Variants in ALOX12 observed in about 807,000 individuals in gnomAD.
ALOX12 encodes the protein polyunsaturated fatty acid lipoxygenase ALOX12.
ALOX12 carries 62 observed loss-of-function variants against 85.5 expected under a neutral mutation model. The observed-to-expected ratio is 0.73, with a 90% CI of 0.59 to 0.90. The LOEUF is 0.90. Among genes scored for constraint, ALOX12 ranks in the 40% least tolerant of loss-of-function variants. ALOX12 has a pLI of 0.00. For synonymous variants in ALOX12, 299 were observed against 332.7 expected (o/e 0.90, Z 1.10); for missense variants, 751 against 856.5 (o/e 0.88, Z 1.54).
Position 7,010,377 on chromosome 17 carries a change from A to G in ALOX12, c.1946A>G (p.Tyr649Cys), listed in dbSNP as rs779477810. 18 of 1,614,096 alleles carry G rather than the reference A, an allele frequency of 1.1e-5. No homozygotes were observed. In the East Asian group the frequency reaches 2.7e-4, roughly 24 times the overall value. Residue 649 changes from tyrosine (Y) to cysteine (C), a missense_variant, in exon 14 of 14, where the codon TAT becomes TGT. Transcript: ENST00000251535. ...CGGAATGAGCAACTTGACTGGCCCT[A>G]TGAATATCTGAAGCCCAGCTGCATA... ...TARNEQLDWP[Y>C]EYLKPSCIEN...
chr17:6,998,859 G>A lies in ALOX12; in HGVS notation c.542+22G>A, dbSNP rs753620283. 98 of 1,614,008 alleles carry A rather than the reference G, an allele frequency of 6.1e-5. No homozygotes were observed. In the Admixed American group the frequency reaches 1.4e-3, roughly 22 times the overall value. Reference sequence around the variant, plus strand: ...CAGGGTGAGAAAAAGGCTAGACCTCGGAGTGAAATAAGGGCTGGGAGGGCC... The same window carrying A: ...CAGGGTGAGAAAAAGGCTAGACCTCAGAGTGAAATAAGGGCTGGGAGGGCC... On this transcript the variant is annotated intron_variant, in intron 4 of 13. Coordinates refer to ENST00000251535, the MANE Select transcript of ALOX12 (RefSeq NM_000697.3).
In ALOX12 at chr17:7,005,474, C is replaced by CTTTTT. The variant is rs35201122; in HGVS notation, c.1248+151_1248+155dup. 1.8e-3 allele frequency: 392 copies of CTTTTT among 223,146 alleles called. 2 individuals are homozygous for CTTTTT. The highest frequency in any genetic ancestry group is 4.0e-3 in the African/African-American group (91 of 22,960). The allele number at this position is 223,146 out of a possible 1,614,324, so 13.8% of individuals were successfully genotyped here. A position where few individuals can be genotyped will look rare whatever the true frequency, so the allele number is the denominator to read the frequency against. ...GAACCTGTCCCTTTTATACCCATGTCTTTTTTTTTTTTTTTTTTTTTTTTG... is the reference window on the plus strand; with the variant it reads ...GAACCTGTCCCTTTTATACCCATGTCTTTTTTTTTTTTTTTTTTTTTTTTTTTTTG... On this transcript the variant is annotated intron_variant, in intron 9 of 13. Coordinates refer to ENST00000251535, the MANE Select transcript of ALOX12 (RefSeq NM_000697.3).
In ALOX12 at chr17:6,999,064, G is replaced by A. The variant is rs1338859892; in HGVS notation, c.646+8G>A. On this transcript the variant is annotated splice_region_variant and intron_variant, in intron 5 of 13. Transcript: ENST00000251535. Reference sequence around the variant, plus strand: ...AGAAGAGTGCCCTGGCTGGTCAGTGGTTCCCCGAGGTCTCCATAATCCCTT... The same window carrying A: ...AGAAGAGTGCCCTGGCTGGTCAGTGATTCCCCGAGGTCTCCATAATCCCTT... 10 of 1,611,736 alleles carry A rather than the reference G, an allele frequency of 6.2e-6. No homozygotes were observed. Among genetic ancestry groups the A allele is most frequent in the Non-Finnish European group, 8.5e-6 (10 of 1,178,556 alleles).
chr17:6,996,335 C>A, intron 1 of ALOX12, 83 bp downstream of exon 1: 2 of 1,136,802 alleles, frequency 1.8e-6, no homozygotes, highest in Non-Finnish European at 2.2e-6. Context: ...GGCGGGAGGG[C>A]GGGAGGCTGG....
Position 7,001,585 on chromosome 17 carries a change from A to G in ALOX12, c.952-17A>G. On this transcript the variant is annotated splice_polypyrimidine_tract_variant and intron_variant, in intron 7 of 13. Transcript: ENST00000251535. ...TCATATACGGAATGGGAGTTCAATAATTTCTCTTTCTCCCAGATTCAGCCT... is the reference window on the plus strand; with the variant it reads ...TCATATACGGAATGGGAGTTCAATAGTTTCTCTTTCTCCCAGATTCAGCCT... 6.2e-7 allele frequency: 1 copy of G among 1,600,170 alleles called. No individual in the cohort carries two copies. The highest frequency in any genetic ancestry group is 8.6e-7 in the Non-Finnish European group (1 of 1,167,706).
chr17:7,009,910 C>T, intron 12 of ALOX12, 46 bp from the exon 13 acceptor site: 1 of 1,613,954 alleles, frequency 6.2e-7, no homozygotes, highest in Non-Finnish European at 8.5e-7. Flanking sequence ...GATGGGAGTT[C>T]AAACCCTAAG....
intron 1 of ALOX12, 122 bp from the exon 2 acceptor site, chr17:6,996,704 C>T (rs1908455667): frequency 8.0e-7 from 1 of 1,244,860 alleles, no homozygotes; most frequent in South Asian, 1.6e-5. Context: ...GGGGCGGGAA[C>T]GAGGCGATGC....
Position 7,001,692 on chromosome 17 carries a change from C to T in ALOX12, c.1042C>T (p.Arg348Ter), listed in dbSNP as rs141346813. 20 of 1,614,008 alleles carry T rather than the reference C, an allele frequency of 1.2e-5. No homozygotes were observed. The highest frequency in any genetic ancestry group is 4.0e-5 in the African/African-American group (3 of 74,892). Reference sequence around the variant, plus strand: ...CTGGCTCCTGGCAAAGTCCTGGGTCCGAAATTCAGATTTCCAACTGCACGA... The same window carrying T: ...CTGGCTCCTGGCAAAGTCCTGGGTCTGAAATTCAGATTTCCAACTGCACGA... ...LAWLLAKSWV[R>*]NSDFQLHEIQ... Residue 348 changes from arginine to a stop codon, truncating the protein, a stop_gained, in exon 8 of 14, where the codon CGA becomes TGA. Transcript: ENST00000251535. LOFTEE classifies it high-confidence loss of function.
intron 8 of ALOX12, 70 bp downstream of exon 8, chr17:7,001,881 T>C: frequency 1.4e-6 from 2 of 1,387,786 alleles, no homozygotes; most frequent in East Asian, 4.6e-5. Flanking sequence ...TATCAAAAGA[T>C]ATTGCAGCAG....
Position 7,008,845 on chromosome 17 carries a change from C to T in ALOX12, c.1541-902C>T, listed in dbSNP as rs58789206. 7.4e-3 allele frequency among the ~76,000 whole-genome samples: 1,121 copies of T among 152,272 alleles called. 12 individuals carry two copies. Among genetic ancestry groups the T allele is most frequent in the African/African-American group, 0.025 (1,055 of 41,558 alleles). ...GTGGGAGCCCCTCTCAGCTGTGACA[C>T]TGGAAATCCATGACTTATTCCCCAC... On this transcript the variant is annotated intron_variant, in intron 11 of 13. Coordinates refer to ENST00000251535, the MANE Select transcript of ALOX12 (RefSeq NM_000697.3).
chr17:6,998,519 AG>A lies in ALOX12; in HGVS notation c.350del (p.Gly117GlufsTer16). 1 of 1,613,030 alleles carries A rather than the reference AG, an allele frequency of 6.2e-7. No individual in the cohort carries two copies. The highest frequency in any genetic ancestry group is 2.2e-5 in the East Asian group (1 of 44,890). On this transcript the variant is annotated frameshift_variant, in exon 3 of 14. Transcript: ENST00000251535. LOFTEE classifies it high-confidence loss of function. ...SLPEGTARLPGDNALDMFQKH... is the reference protein window; with the variant it reads ...SLPEGTARLPXDNALDMFQKH... ...TTGATGTCTCCCCAGCCCGCCTGCCAGGAGACAATGCTTTGGACATGTTCCA... is the reference window on the plus strand; with the variant it reads ...TTGATGTCTCCCCAGCCCGCCTGCCAGAGACAATGCTTTGGACATGTTCCA...
chr17:6,999,727 C>T (rs576680303), intron 6 of ALOX12: 6 of 458,386 alleles, frequency 1.3e-5, no homozygotes, highest in African/African-American at 7.9e-5. Context: ...ATTGCCTGGC[C>T]GCAGTGTTCT....
At position 6,996,915 on chromosome 17, in the gene ALOX12, G is replaced by C; in HGVS notation, c.225G>C (p.Ala75=). The C allele has an allele frequency of 3.1e-6, 5 of 1,612,862 alleles. No homozygotes were observed. Among genetic ancestry groups the C allele is most frequent in the Non-Finnish European group, 4.2e-6 (5 of 1,179,478 alleles). ...AGCACCACTGGCTGGTGGACGACGC[G>C]TGGTTCTGCGACCGCATCACGGTGC... is the stretch of plus-strand genomic sequence containing the variant. ...LRKHHWLVDD[A]WFCDRITVQG... Residue 75 remains alanine (A), a synonymous_variant, in exon 2 of 14, where the codon GCG becomes GCC. Coordinates refer to ENST00000251535, the MANE Select transcript of ALOX12 (RefSeq NM_000697.3).
Position 7,001,627 on chromosome 17 carries a change from C to T in ALOX12, c.977C>T (p.Pro326Leu). The change falls in exon 8 of 14, where the codon CCA becomes CTA. Residue 326 changes from proline to leucine, a missense_variant. Pro to Leu is a moderately conservative substitution (Grantham distance 98, BLOSUM62 -3). Coordinates refer to ENST00000251535, the MANE Select transcript of ALOX12 (RefSeq NM_000697.3). ...ATTCAGCCTCCCAACCCCAGCTCTC[C>T]AACCCCAACACTGTTCCTGCCCTCA... ...IQIQPPNPSS[P>L]TPTLFLPSDP... 6.2e-7 allele frequency: 1 copy of T among 1,614,182 alleles called. No homozygotes were observed. Among genetic ancestry groups the T allele is most frequent in the Non-Finnish European group, 8.5e-7 (1 of 1,180,012 alleles).
In ALOX12 at chr17:7,010,146, A is replaced by G; in HGVS notation, c.1812+20A>G. The G allele has an allele frequency of 1.9e-6, 3 of 1,603,910 alleles. No homozygotes were observed. Among genetic ancestry groups the G allele is most frequent in the Non-Finnish European group, 2.6e-6 (3 of 1,173,520 alleles). ...GACATGGTGAGAGGGGACTCTCGGG[A>G]GAGGGAAATGACAGTTGGAAAGGAA... On this transcript the variant is annotated intron_variant, in intron 13 of 13. Transcript: ENST00000251535.
chr17:7,005,809 G>A, intron 9 of ALOX12, 49 bp from the exon 10 acceptor site: 1 of 1,580,804 alleles, frequency 6.3e-7, no homozygotes, highest in South Asian at 1.1e-5. Context: ...AGATGTGTTG[G>A]TTCTCCAGCC....
Position 6,998,520 on chromosome 17 carries a change from G to C in ALOX12, c.349G>C (p.Gly117Arg), listed in dbSNP as rs145526271. 440 of 1,613,590 alleles carry C rather than the reference G, an allele frequency of 2.7e-4. 3 individuals carry two copies. The African/African-American group carries it at 3.9e-3, about 14-fold the overall frequency. ...SLPEGTARLPGDNALDMFQKH... is the reference protein window; with the variant it reads ...SLPEGTARLPRDNALDMFQKH... Reference sequence around the variant, plus strand: ...TGATGTCTCCCCAGCCCGCCTGCCAGGAGACAATGCTTTGGACATGTTCCA... The same window carrying C: ...TGATGTCTCCCCAGCCCGCCTGCCACGAGACAATGCTTTGGACATGTTCCA... Residue 117 changes from glycine (G) to arginine (R), a missense_variant, in exon 3 of 14, where the codon GGA becomes CGA. Transcript: ENST00000251535.
chr17:7,009,249 C>G (rs2246200), intron 11 of ALOX12, among the ~76,000 whole-genome samples: 86,841 of 151,544 alleles, frequency 0.57, 25,114 homozygotes, highest in South Asian at 0.73. Flanking sequence ...TTAGTAGAGA[C>G]GGGGTTTCAC....
At chr17:7,001,893 A>T in intron 8 of ALOX12, 82 bp downstream of exon 8, 1 of 1,264,664 alleles carries the variant, frequency 7.9e-7, no homozygotes, top group Non-Finnish European at 1.1e-6. Context: ...TTGCAGCAGC[A>T]AAAACTCTTT....
Sources: allele counts gnomAD v4.1 joint callset (sites outside exome capture counted in the v4.1 genomes callset), GRCh38; gene constraint gnomAD v4.1.1; transcripts MANE v1.5; gene names NCBI Gene and HGNC (gene_info 2026-07-23, HGNC 2026-07-21).